RALGPS1: variants seen among roughly 807,000 people sequenced by gnomAD.
The protein encoded by RALGPS1 is Ral GEF with PH domain and SH3 binding motif 1.
RALGPS1 carries 19 observed loss-of-function variants against 78.8 expected under a neutral mutation model. The ratio of observed to expected loss-of-function variants is 0.24; its 90% CI spans 0.17 to 0.35. The LOEUF (loss-of-function observed/expected upper bound fraction) is 0.35, where lower values mean the gene tolerates loss of function less well. Among genes scored for constraint, RALGPS1 ranks in the 10% least tolerant of loss-of-function variants. RALGPS1 has a pLI of 1.00. For missense variants in RALGPS1, 454 were observed against 688.3 expected (o/e 0.66, Z 3.81); for synonymous variants, 228 against 256.3 (o/e 0.89, Z 1.06).
intron 2 of RALGPS1, among the ~76,000 whole-genome samples, chr9:126,962,905 C>T (rs1216946965): frequency 1.3e-5 from 2 of 152,202 alleles, no homozygotes; most frequent in East Asian, 1.9e-4. Flanking sequence ...TGTGTAACGC[C>T]TGCTCCTCGG....
At chr9:126,958,158 T>TATATATATATATATATATATATATACAC (rs1345241110) in intron 1 of RALGPS1, among the ~76,000 whole-genome samples, 1 of 121,062 alleles carries the variant, frequency 8.3e-6, no homozygotes, top group African/African-American at 2.7e-5. Context: ...TATATATATA[T>TATATATATATATATATATATATATACAC]ACACACACAC....
intron 8 of RALGPS1, among the ~76,000 whole-genome samples, chr9:127,117,396 C>T (rs1350151107): frequency 3.9e-5 from 6 of 152,192 alleles, no homozygotes; most frequent in African/African-American, 1.4e-4. Context: ...AATTCAAGAA[C>T]TTCATTTGTA....
intron 4 of RALGPS1, among the ~76,000 whole-genome samples, chr9:127,021,574 A>G (rs2045450075): frequency 6.6e-6 from 1 of 150,894 alleles, no homozygotes; most frequent in Non-Finnish European, 1.5e-5. Context: ...GTTTTCTGTA[A>G]TGAACATGTA....
At chr9:126,932,918 G>A (rs1161965954) in intron 1 of RALGPS1, among the ~76,000 whole-genome samples, 8 of 152,218 alleles carry the variant, frequency 5.3e-5, no homozygotes, top group African/African-American at 9.7e-5. Flanking sequence ...AGCCGAGGCC[G>A]GGCTGTGGAC....
intron 8 of RALGPS1, among the ~76,000 whole-genome samples, chr9:127,147,778 C>T (rs775225548): frequency 1.3e-5 from 2 of 152,164 alleles, no homozygotes; most frequent in South Asian, 2.1e-4. Flanking sequence ...ACACTTAGCA[C>T]GATGCTGGGC....
intron 1 of RALGPS1, among the ~76,000 whole-genome samples, chr9:126,958,142 A>AAAAATATATATATATATATATAT (rs113413659): frequency 1.3e-5 from 1 of 77,102 alleles, no homozygotes; most frequent in East Asian, 4.0e-4. Context: ...AAAAAAAAAA[A>AAAAATATATATATATATATATAT]ATATATATAT....
chr9:127,178,080 T>C, intron 11 of RALGPS1: 2 of 1,341,034 alleles, frequency 1.5e-6, no homozygotes, highest in Non-Finnish European at 2.0e-6. Flanking sequence ...CTAAAGGGCA[T>C]GGGGAAGAAG....
chr9:127,032,518 G>C (rs1285489999), intron 4 of RALGPS1, among the ~76,000 whole-genome samples: 2 of 152,194 alleles, frequency 1.3e-5, no homozygotes, highest in African/African-American at 4.8e-5. Context: ...TTTATATTTG[G>C]TTATAAACCC....
chr9:127,124,152 C>T (rs551176065), intron 8 of RALGPS1, among the ~76,000 whole-genome samples: 42 of 152,292 alleles, frequency 2.8e-4, no homozygotes, highest in Middle Eastern at 6.8e-3. Flanking sequence ...CCCTGCTCCT[C>T]GCCTTGAACC....
chr9:127,179,604 A>G (rs2060092185), intron 11 of RALGPS1, among the ~76,000 whole-genome samples: 1 of 152,212 alleles, frequency 6.6e-6, no homozygotes, highest in Admixed American at 6.5e-5. Context: ...TCATTCACCC[A>G]AGACTTCCAG....
intron 2 of RALGPS1, among the ~76,000 whole-genome samples, chr9:126,965,119 C>G (rs543061733): frequency 1.3e-5 from 2 of 152,242 alleles, no homozygotes; most frequent in South Asian, 2.1e-4. Flanking sequence ...TTTTAACTTG[C>G]CTTTTTATGG....
chr9:127,210,008 AAGAC>A (rs2062152628), intron 14 of RALGPS1, among the ~76,000 whole-genome samples: 1 of 152,232 alleles, frequency 6.6e-6, no homozygotes, highest in Non-Finnish European at 1.5e-5. Flanking sequence ...TGAGTCTTCT[AAGAC>A]AGAGAGGCTA....
chr9:127,168,660 T>C lies in RALGPS1; in HGVS notation c.749-19T>C, dbSNP rs1164718517. On this transcript the variant is annotated intron_variant, in intron 9 of 18. Coordinates refer to ENST00000259351, the MANE Select transcript of RALGPS1 (RefSeq NM_014636.3). ...GATGGGAGAGCCTAAAGTTTCTGGA[T>C]GTGGTCCACCTTTTGCAGATCACCT... is the stretch of plus-strand genomic sequence containing the variant. The C allele has an allele frequency of 3.8e-6, 6 of 1,562,494 alleles. No individual in the cohort carries two copies. Among genetic ancestry groups the C allele is most frequent in the Non-Finnish European group, 5.3e-6 (6 of 1,133,408 alleles).
At chr9:126,991,292 G>A (rs1326145859) in intron 4 of RALGPS1, among the ~76,000 whole-genome samples, 1 of 152,212 alleles carries the variant, frequency 6.6e-6, no homozygotes, top group Non-Finnish European at 1.5e-5. Context: ...CCTGCCTGAA[G>A]GGTGGGGAGA....
At chr9:127,186,551 G>A (rs544554488) in intron 11 of RALGPS1, among the ~76,000 whole-genome samples, 1 of 152,374 alleles carries the variant, frequency 6.6e-6, no homozygotes, top group African/African-American at 2.4e-5. Flanking sequence ...AGGCTTGGCA[G>A]GGCAGGAACA....
intron 4 of RALGPS1, among the ~76,000 whole-genome samples, chr9:127,024,581 C>T (rs1319921016): frequency 6.6e-6 from 1 of 151,938 alleles, no homozygotes; most frequent in African/African-American, 2.4e-5. Flanking sequence ...ATTATTATGG[C>T]TACGTAACTG....
In RALGPS1 at chr9:127,134,220, C is replaced by T. The variant is rs538118391; in HGVS notation, c.611-31849C>T. 1.3e-5 allele frequency among the ~76,000 whole-genome samples: 2 copies of T among 152,254 alleles called. 1 individual carries two copies. Among genetic ancestry groups the T allele is most frequent in the East Asian group, 3.9e-4 (2 of 5,188 alleles). ...GACCCACAGTCTCTTTTGGTTGCTACACTAAATGCAATTTAAATCTGTATT... is the reference window on the plus strand; with the variant it reads ...GACCCACAGTCTCTTTTGGTTGCTATACTAAATGCAATTTAAATCTGTATT... On this transcript the variant is annotated intron_variant, in intron 8 of 18. Transcript: ENST00000259351.
intron 4 of RALGPS1, among the ~76,000 whole-genome samples, chr9:127,022,583 C>G (rs986043557): frequency 6.6e-6 from 1 of 152,072 alleles, no homozygotes; most frequent in South Asian, 2.1e-4. Context: ...CACCCCTGTC[C>G]TGTCTCACTG....
At chr9:127,059,610 G>A (rs1359819952) in intron 7 of RALGPS1, among the ~76,000 whole-genome samples, 3 of 151,970 alleles carry the variant, frequency 2.0e-5, no homozygotes, top group Admixed American at 6.6e-5. Context: ...CTATCCCTTG[G>A]TGGTCTCATC....
Sources: allele counts gnomAD v4.1 joint callset (sites outside exome capture counted in the v4.1 genomes callset), GRCh38; gene constraint gnomAD v4.1.1; transcripts MANE v1.5; gene names NCBI Gene and HGNC (gene_info 2026-07-23, HGNC 2026-07-21).